The following APBB1IP variants were observed in gnomAD, a reference collection of about 807,000 sequenced individuals.
The protein encoded by APBB1IP is amyloid beta A4 precursor protein-binding family B member 1-interacting protein.
APBB1IP carries 27 observed loss-of-function variants against 64.9 expected under a neutral mutation model. The ratio of observed to expected loss-of-function variants is 0.42; its 90% CI spans 0.31 to 0.57. The LOEUF (loss-of-function observed/expected upper bound fraction) is 0.57, where lower values mean the gene tolerates loss of function less well. Ranked by LOEUF, APBB1IP falls within the 20% of genes least tolerant of loss-of-function variation. The probability of loss-of-function intolerance (pLI) is 0.20; values close to 1 mark genes in which losing one functional copy is unlikely to be tolerated. For synonymous variants in APBB1IP, 392 were observed against 331.0 expected (o/e 1.18, Z -2.00); for missense variants, 812 against 845.5 (o/e 0.96, Z 0.49).
chr10:26,550,860 G>A (rs1245555012), intron 11 of APBB1IP, among the ~76,000 whole-genome samples: 4 of 152,176 alleles, frequency 2.6e-5, no homozygotes, highest in Non-Finnish European at 4.4e-5. Flanking sequence ...ATTTGTTTAT[G>A]ACCGTTCTTT....
intron 8 of APBB1IP, among the ~76,000 whole-genome samples, chr10:26,523,897 T>C (rs1836436813): frequency 2.0e-5 from 3 of 152,176 alleles, no homozygotes; most frequent in Admixed American, 1.3e-4. Context: ...TTCCCCATGG[T>C]TAACTGTCCT....
intron 2 of APBB1IP, among the ~76,000 whole-genome samples, chr10:26,491,759 G>GT (rs11403116): frequency 0.57 from 66,224 of 116,568 alleles, 19,945 homozygotes; most frequent in African/African-American, 0.6. Flanking sequence ...TTTGTGTAAG[G>GT]TTTTTTTTTT....
At chr10:26,561,796 C>A (rs149714527) in intron 13 of APBB1IP, 1 of 152,276 alleles carries the variant, frequency 6.6e-6, no homozygotes, top group Non-Finnish European at 1.5e-5. Context: ...ATTTCAAGGA[C>A]CCCCACATTT....
rs10685344 is a variant in APBB1IP at position 26,450,690 on chromosome 10, C to CTTT, written c.-1+11851_-1+11853dup. Among the ~76,000 whole-genome samples the CTTT allele has an allele frequency of 5.5e-3, 758 of 138,858 alleles. 18 individuals are homozygous for CTTT. Among genetic ancestry groups the CTTT allele is most frequent in the East Asian group, 9.6e-3 (46 of 4,776 alleles). The allele number at this position is 138,858 out of a possible 152,430, so 91.1% of individuals were successfully genotyped here. A position where few individuals can be genotyped will look rare whatever the true frequency, so the allele number is the denominator to read the frequency against. ...CCCCTGCCCTCCTGGAACTCAGATTCTTTTTTTTTTTTTTTTGACACTGAG... is the reference window on the plus strand; with the variant it reads ...CCCCTGCCCTCCTGGAACTCAGATTCTTTTTTTTTTTTTTTTTTTGACACTGAG... On this transcript the variant is annotated intron_variant, in intron 2 of 14. Coordinates refer to ENST00000376236, the MANE Select transcript of APBB1IP (RefSeq NM_019043.4).
In APBB1IP at chr10:26,438,426, G is replaced by C. The variant is rs1304368575; in HGVS notation, c.-232G>C. On this transcript the variant is annotated 5_prime_UTR_variant, in exon 1 of 15. Transcript: ENST00000376236. ...AAAATGGTTCCATTCGCCAGGAGACGCTCCTGAGAGAAGGGCGCGCGCGGC... is the reference window on the plus strand; with the variant it reads ...AAAATGGTTCCATTCGCCAGGAGACCCTCCTGAGAGAAGGGCGCGCGCGGC... 1 of 152,002 alleles carries C rather than the reference G, an allele frequency of 6.6e-6. No individual in the cohort carries two copies. The highest frequency in any genetic ancestry group is 2.4e-5 in the African/African-American group (1 of 41,352). 9.4% of individuals were successfully genotyped at this position (152,002 alleles called of 1,614,324 possible). A position where few individuals can be genotyped will look rare whatever the true frequency, so the allele number is the denominator to read the frequency against.
intron 11 of APBB1IP, among the ~76,000 whole-genome samples, chr10:26,553,782 T>A (rs1177100724): frequency 1.3e-5 from 2 of 152,218 alleles, no homozygotes; most frequent in Non-Finnish European, 2.9e-5. Context: ...TGCACCTCTG[T>A]GGAAACTGCT....
chr10:26,476,857 A>G (rs1299419820), intron 2 of APBB1IP, among the ~76,000 whole-genome samples: 2 of 152,054 alleles, frequency 1.3e-5, no homozygotes, highest in Non-Finnish European at 2.9e-5. Flanking sequence ...CTGGAGTACA[A>G]TGGCGTGATC....
At chr10:26,502,994 G>C (rs1836125523) in intron 5 of APBB1IP, among the ~76,000 whole-genome samples, 1 of 152,166 alleles carries the variant, frequency 6.6e-6, no homozygotes, top group Non-Finnish European at 1.5e-5. Context: ...AACGTTTCAG[G>C]TAATGGATAC....
At chr10:26,515,291 G>A (rs560436556) in intron 8 of APBB1IP, among the ~76,000 whole-genome samples, 24 of 152,236 alleles carry the variant, frequency 1.6e-4, no homozygotes, top group Middle Eastern at 6.8e-3. Context: ...TCTCTCTCAC[G>A]CACTGGTCCA....
intron 2 of APBB1IP, among the ~76,000 whole-genome samples, chr10:26,448,887 C>A (rs1468463691): frequency 6.6e-6 from 1 of 152,186 alleles, no homozygotes; most frequent in African/African-American, 2.4e-5. Flanking sequence ...TTGCCCTAGG[C>A]AACCATGGTG....
chr10:26,505,260 C>G (rs747152904), intron 6 of APBB1IP, among the ~76,000 whole-genome samples: 16 of 152,306 alleles, frequency 1.1e-4, no homozygotes, highest in Non-Finnish European at 1.5e-4. Flanking sequence ...ACCCCTGGAG[C>G]CAGACTTTCA....
chr10:26,464,779 A>G (rs1239339226), intron 2 of APBB1IP, among the ~76,000 whole-genome samples: 2 of 152,180 alleles, frequency 1.3e-5, no homozygotes, highest in Non-Finnish European at 2.9e-5. Flanking sequence ...CAAGTTAAGT[A>G]AGTTACTCAA....
At position 26,567,196 on chromosome 10, in the gene APBB1IP, C is replaced by CGCCGCCCCCGGACTTCATGGA. The variant is rs1837060142; in HGVS notation, c.1719_1739dup (p.Met576_Phe582dup). 10 of 1,399,690 alleles carry CGCCGCCCCCGGACTTCATGGA rather than the reference C, an allele frequency of 7.1e-6. No homozygotes were observed. The highest frequency in any genetic ancestry group is 9.3e-6 in the Non-Finnish European group (10 of 1,080,854). The allele number at this position is 1,399,690 out of a possible 1,614,324, so 86.7% of individuals were successfully genotyped here. ...CCCCTCGATGACCCTGAGCTCCCGC[C>CGCCGCCCCCGGACTTCATGGA]GCCGCCCCCGGACTTCATGGAGCCG... On this transcript the variant is annotated inframe_insertion, in exon 15 of 15. Transcript: ENST00000376236.
chr10:26,453,012 C>T (rs1349399266), intron 2 of APBB1IP, among the ~76,000 whole-genome samples: 3 of 152,154 alleles, frequency 2.0e-5, no homozygotes, highest in Non-Finnish European at 4.4e-5. Flanking sequence ...TTAATACTAG[C>T]TAGCATATAT....
intron 8 of APBB1IP, among the ~76,000 whole-genome samples, chr10:26,526,577 T>C (rs948810628): frequency 6.6e-6 from 1 of 151,736 alleles, no homozygotes; most frequent in Non-Finnish European, 1.5e-5. Flanking sequence ...AAACAAGTCG[T>C]GCATGGCGGC....
At chr10:26,506,250 T>TG (rs60855722) in intron 6 of APBB1IP, among the ~76,000 whole-genome samples, 23,223 of 61,622 alleles carry the variant, frequency 0.38, 3,670 homozygotes, top group Non-Finnish European at 0.47. Context: ...CGTGTGTGTG[T>TG]GGGGGGGGGG....
At chr10:26,535,512 CTA>C (rs1836609906) in intron 9 of APBB1IP, among the ~76,000 whole-genome samples, 1 of 152,124 alleles carries the variant, frequency 6.6e-6, no homozygotes, top group African/African-American at 2.4e-5. Flanking sequence ...TTATTATTGA[CTA>C]TAGTCACCCT....
intron 2 of APBB1IP, among the ~76,000 whole-genome samples, chr10:26,443,111 A>C (rs1296497565): frequency 6.6e-6 from 1 of 152,192 alleles, no homozygotes; most frequent in African/African-American, 2.4e-5. Context: ...GTAAAGAACT[A>C]TGAGTTTTAA....
chr10:26,543,578 T>C (rs1836724740), intron 11 of APBB1IP, among the ~76,000 whole-genome samples: 1 of 151,822 alleles, frequency 6.6e-6, no homozygotes, highest in African/African-American at 2.4e-5. Flanking sequence ...TCCCATCACC[T>C]GGAATAGTGG....
Sources: allele counts gnomAD v4.1 joint callset (sites outside exome capture counted in the v4.1 genomes callset), GRCh38; gene constraint gnomAD v4.1.1; transcripts MANE v1.5; gene names NCBI Gene and HGNC (gene_info 2026-07-23, HGNC 2026-07-21).